The following ARID1A variants were observed in gnomAD, a reference collection of about 807,000 sequenced individuals.
ARID1A encodes AT-rich interaction domain 1A.
A neutral mutation model predicts 212.6 loss-of-function variants in ARID1A; 20 were observed. That is an observed-to-expected ratio of 0.09 (90% confidence interval 0.07 to 0.14). ARID1A has a LOEUF of 0.14. Ranked by LOEUF, ARID1A falls within the 10% of genes least tolerant of loss-of-function variation. The pLI is 1.00. For missense variants in ARID1A, 2,587 were observed against 3,059.0 expected (o/e 0.85, Z 3.64); for synonymous variants, 1,376 against 1,222.1 (o/e 1.13, Z -2.63).
intron 15 of ARID1A, 31 bp from the exon 16 acceptor site, chr1:26,773,549 G>A (rs1394887504): frequency 6.2e-7 from 1 of 1,614,144 alleles, no homozygotes; most frequent in South Asian, 1.1e-5. Context: ...AAGCTATAGT[G>A]GGCTCAATCT....
chr1:26,699,604 T>C (rs1215002930), intron 1 of ARID1A, among the ~76,000 whole-genome samples: 1 of 152,240 alleles, frequency 6.6e-6, no homozygotes, highest in East Asian at 1.9e-4. Flanking sequence ...AGGGAAATGT[T>C]ACATTGTTTT....
At chr1:26,703,628 T>C (rs921984707) in intron 1 of ARID1A, among the ~76,000 whole-genome samples, 1 of 152,238 alleles carries the variant, frequency 6.6e-6, no homozygotes, top group East Asian at 1.9e-4. Context: ...GGATTGGCAC[T>C]GACATAGGTT....
rs1644040951 is a variant in ARID1A at position 26,761,109 on chromosome 1, G to T, written c.2161+13G>T. 2.5e-6 allele frequency: 4 copies of T among 1,613,592 alleles called. No individual in the cohort carries two copies. The highest frequency in any genetic ancestry group is 3.4e-6 in the Non-Finnish European group (4 of 1,179,604). On this transcript the variant is annotated intron_variant, in intron 5 of 19. Coordinates refer to ENST00000324856, the MANE Select transcript of ARID1A (RefSeq NM_006015.6). The stretch of plus-strand genomic sequence containing the variant: ...GCTGCAGTGCCAGGTACCCTCAAGT[G>T]CTGGGCTTTAGGGAGAGGGAAAGGT...
At chr1:26,710,584 C>A (rs1349815447) in intron 1 of ARID1A, among the ~76,000 whole-genome samples, 2 of 150,812 alleles carry the variant, frequency 1.3e-5, no homozygotes, top group African/African-American at 4.9e-5. Context: ...AGTGTGGTCC[C>A]TAGCCACCAG....
chr1:26,731,640 T>C (rs2124790757), intron 3 of ARID1A, 36 bp downstream of exon 3: 4 of 1,600,210 alleles, frequency 2.5e-6, no homozygotes, highest in Non-Finnish European at 3.4e-6. Context: ...TCCCTGTGTG[T>C]GACTACAGAC....
chr1:26,761,450 A>G lies in ARID1A; in HGVS notation c.2228A>G (p.Gln743Arg), dbSNP rs2124059823. Residue 743 changes from glutamine (Q) to arginine (R), a missense_variant, in exon 6 of 20, where the codon CAA (glutamine) becomes CGA (arginine). Transcript: ENST00000324856. ...SDSIMHPSMN[Q>R]SSIAQDRGYM... Reference sequence around the variant, plus strand: ...AGCATCATGCATCCTTCCATGAACCAATCAAGCATTGCCCAAGATCGAGGT... The same window carrying G: ...AGCATCATGCATCCTTCCATGAACCGATCAAGCATTGCCCAAGATCGAGGT... 3 of 1,614,248 alleles carry G rather than the reference A, an allele frequency of 1.9e-6. No homozygotes were observed. Among genetic ancestry groups the G allele is most frequent in the Non-Finnish European group, 2.5e-6 (3 of 1,180,050 alleles).
chr1:26,711,368 CCACCT>C (rs1336191858), intron 1 of ARID1A, among the ~76,000 whole-genome samples: 1 of 152,076 alleles, frequency 6.6e-6, no homozygotes, highest in Non-Finnish European at 1.5e-5. Context: ...AGCCATTTGT[CCACCT>C]CAGCCTCCCA....
Position 26,771,485 on chromosome 1 carries a change from TG to T in ARID1A, c.3406+162del. ...CTTAACAGGTTGGCTGACTAGAGAG[TG>T]GGCAGTGGAAACTCCCTTGGGAGGT... On this transcript the variant is annotated intron_variant, in intron 12 of 19. Transcript: ENST00000324856. The surrounding 1 kb of genome is among the most constrained non-coding windows in gnomAD (Gnocchi z 5.4). 1.3e-6 allele frequency: 1 copy of T among 757,290 alleles called. No homozygotes were observed. Among genetic ancestry groups the T allele is most frequent in the Non-Finnish European group, 2.1e-6 (1 of 473,820 alleles). The allele number at this position is 757,290 out of a possible 1,614,324, so 46.9% of individuals were successfully genotyped here.
chr1:26,774,228 CTG>C lies in ARID1A; in HGVS notation c.4102-97_4102-96del. 6.7e-7 allele frequency: 1 copy of C among 1,489,926 alleles called. No individual in the cohort carries two copies. Among genetic ancestry groups the C allele is most frequent in the Non-Finnish European group, 8.9e-7 (1 of 1,121,916 alleles). The allele number at this position is 1,489,926 out of a possible 1,614,324, so 92.3% of individuals were successfully genotyped here. A position where few individuals can be genotyped will look rare whatever the true frequency, so the allele number is the denominator to read the frequency against. On this transcript the variant is annotated intron_variant, in intron 17 of 19. Transcript: ENST00000324856. This position sits in a 1 kb window ranked among gnomAD's most constrained non-coding sequence, Gnocchi z 5.6. Reference sequence around the variant, plus strand: ...GGTGATTCCCATGTTTTCTTGGAGTCTGTGTCCACCAAGCATCTGGTTGTAGC... The same window carrying C: ...GGTGATTCCCATGTTTTCTTGGAGTCTGTCCACCAAGCATCTGGTTGTAGC...
chr1:26,766,197 C>T (rs2124078912), intron 8 of ARID1A, 24 bp from the exon 9 acceptor site: 1 of 1,609,666 alleles, frequency 6.2e-7, no homozygotes, highest in Admixed American at 1.7e-5. Context: ...CTTTGTCTCT[C>T]TCACTTTCCA....
At chr1:26,720,491 G>A (rs12729652) in intron 1 of ARID1A, among the ~76,000 whole-genome samples, 19,796 of 150,492 alleles carry the variant, frequency 0.13, 1,453 homozygotes, top group Non-Finnish European at 0.17. Flanking sequence ...AAAAAAAAAA[G>A]GTACAACCTT....
Position 26,774,386 on chromosome 1 carries a change from G to A in ARID1A, c.4159G>A (p.Glu1387Lys). 1 of 1,584,724 alleles carries A rather than the reference G, an allele frequency of 6.3e-7. No individual in the cohort carries two copies. The highest frequency in any genetic ancestry group is 8.6e-7 in the Non-Finnish European group (1 of 1,162,366). ...YGPPAKRHEG[E>K]MYSVPYSTGQ... Reference sequence around the variant, plus strand: ...CCCTCCTGCCAAGCGGCACGAAGGGGAGATGTACAGCGTGCCATACAGCAC... The same window carrying A: ...CCCTCCTGCCAAGCGGCACGAAGGGAAGATGTACAGCGTGCCATACAGCAC... Residue 1387 changes from glutamate to lysine, a missense_variant, in exon 18 of 20, where the codon GAG becomes AAG. By Grantham distance (56) the Glu-to-Lys change is moderately conservative. Coordinates refer to ENST00000324856, the MANE Select transcript of ARID1A (RefSeq NM_006015.6). The surrounding 1 kb of genome is among the most constrained non-coding windows in gnomAD (Gnocchi z 5.6).
chr1:26,724,087 A>T (rs12739212), intron 1 of ARID1A, among the ~76,000 whole-genome samples: 10,880 of 152,146 alleles, frequency 0.072, 417 homozygotes, highest in Non-Finnish European at 0.08. Flanking sequence ...GCATTTTTTT[A>T]ATTATTATTA....
chr1:26,704,517 A>G (rs1254904684), intron 1 of ARID1A, among the ~76,000 whole-genome samples: 1 of 152,184 alleles, frequency 6.6e-6, no homozygotes, highest in African/African-American at 2.4e-5. Context: ...GGGTTAGGTA[A>G]GCCTGCACAT....
chr1:26,771,152 A>G lies in ARID1A; in HGVS notation c.3232A>G (p.Thr1078Ala). ...GAACAAAAAATGGCGGGAACTTGCAACCAACCTCAATGTGGGCACATCAAG... is the reference window on the plus strand; with the variant it reads ...GAACAAAAAATGGCGGGAACTTGCAGCCAACCTCAATGTGGGCACATCAAG... ...NKNKKWRELA[T>A]NLNVGTSSSA... The change falls in exon 12 of 20, where the codon ACC (threonine) becomes GCC (alanine). Residue 1078 changes from threonine (T) to alanine (A), a missense_variant. This residue lies in a region of ARID1A where 44 missense variants were observed against 99.5 expected (regional missense o/e 0.44). Coordinates refer to ENST00000324856, the MANE Select transcript of ARID1A (RefSeq NM_006015.6). The surrounding 1 kb of genome is among the most constrained non-coding windows in gnomAD (Gnocchi z 5.4). The G allele has an allele frequency of 6.2e-7, 1 of 1,614,216 alleles. No homozygotes were observed. Among genetic ancestry groups the G allele is most frequent in the Non-Finnish European group, 8.5e-7 (1 of 1,180,038 alleles).
chr1:26,718,264 C>T (rs1257100038), intron 1 of ARID1A, among the ~76,000 whole-genome samples: 12 of 152,178 alleles, frequency 7.9e-5, no homozygotes, highest in Non-Finnish European at 8.8e-5. Flanking sequence ...CGTGAGCCAC[C>T]GCACCCAGCC....
In ARID1A at chr1:26,780,782, G is replaced by A. The variant is rs199555039; in HGVS notation, c.*26G>A. On this transcript the variant is annotated 3_prime_UTR_variant, in exon 20 of 20. Coordinates refer to ENST00000324856, the MANE Select transcript of ARID1A (RefSeq NM_006015.6). This position sits in a 1 kb window ranked among gnomAD's most constrained non-coding sequence, Gnocchi z 7.2. ...CAGCCGTGGGACACCTCCCCCCCCC[G>A]TGTGTGTGTGCGTGTGTGGAGAACT... 145 of 1,509,280 alleles carry A rather than the reference G, an allele frequency of 9.6e-5. No individual in the cohort carries two copies. Among genetic ancestry groups the A allele is most frequent in the South Asian group, 3.7e-4 (30 of 80,944 alleles). The allele number at this position is 1,509,280 out of a possible 1,614,324, so 93.5% of individuals were successfully genotyped here.
At position 26,774,788 on chromosome 1, in the gene ARID1A, C is replaced by T. The variant is rs1490205916; in HGVS notation, c.4561C>T (p.Pro1521Ser). 2 of 1,614,092 alleles carry T rather than the reference C, an allele frequency of 1.2e-6. No homozygotes were observed. The highest frequency in any genetic ancestry group is 2.7e-5 in the African/African-American group (2 of 74,942). Residue 1521 changes from proline to serine, a missense_variant, in exon 18 of 20, where the codon CCC (proline) becomes TCC (serine). Transcript: ENST00000324856. This position sits in a 1 kb window ranked among gnomAD's most constrained non-coding sequence, Gnocchi z 5.6. ...GAGCACGGGCTCTGCCCCCCAGGGC[C>T]CCGCCTATCATGGCGTGAACCGAAC... ...RQSTGSAPQG[P>S]AYHGVNRTDE...
chr1:26,761,080 G>A lies in ARID1A; in HGVS notation c.2145G>A (p.Ser715=), dbSNP rs750872456. 7.4e-6 allele frequency: 12 copies of A among 1,614,038 alleles called. No individual in the cohort carries two copies. The highest frequency in any genetic ancestry group is 3.3e-5 in the South Asian group (3 of 91,082). ...SVAQSRSGPL[S]PAAVPGNQMP... Reference sequence around the variant, plus strand: ...CTCAGTCTCGCTCAGGACCACTCTCGCCTGCTGCAGTGCCAGGTACCCTCA... The same window carrying A: ...CTCAGTCTCGCTCAGGACCACTCTCACCTGCTGCAGTGCCAGGTACCCTCA... The change falls in exon 5 of 20, where the codon TCG becomes TCA. Residue 715 remains serine, a synonymous_variant. Coordinates refer to ENST00000324856, the MANE Select transcript of ARID1A (RefSeq NM_006015.6).
Sources: allele counts gnomAD v4.1 joint callset (sites outside exome capture counted in the v4.1 genomes callset), GRCh38; gene constraint gnomAD v4.1.1; regional missense constraint gnomAD v4.1.1; non-coding constraint Gnocchi (gnomAD v3.1); transcripts MANE v1.5; gene names NCBI Gene and HGNC (gene_info 2026-07-23, HGNC 2026-07-21).